The following DLG4 variants were observed in gnomAD, a reference collection of about 807,000 sequenced individuals.
DLG4 encodes disks large homolog 4.
A neutral mutation model predicts 93.8 loss-of-function variants in DLG4; 7 were observed. That is an observed-to-expected ratio of 0.07 (90% confidence interval 0.04 to 0.14). DLG4 has a LOEUF of 0.14. DLG4 is among the 10% of genes least tolerant of loss of function. The probability of loss-of-function intolerance (pLI) is 1.00; values close to 1 mark genes in which losing one functional copy is unlikely to be tolerated. For missense variants in DLG4, 545 were observed against 992.9 expected (o/e 0.55, Z 6.06); for synonymous variants, 341 against 387.6 (o/e 0.88, Z 1.41).
rs536869554 is a variant in DLG4, at chr17:7,203,179, G to C, written c.642+14C>G. 1.9e-6 allele frequency: 3 copies of C among 1,586,252 alleles called. No homozygotes were observed. Among genetic ancestry groups the C allele is most frequent in the African/African-American group, 1.3e-5 (1 of 74,696 alleles). ...CAAATCTGGGCTAGAAAATGGGCTAGATGGAGTCCTCACCGCCAGGATCTT... is the reference window on the plus strand; with the variant it reads ...CAAATCTGGGCTAGAAAATGGGCTACATGGAGTCCTCACCGCCAGGATCTT... On this transcript the variant is annotated intron_variant, in intron 7 of 19. Coordinates refer to ENST00000399506, the MANE Select transcript of DLG4 (RefSeq NM_001321075.3). The surrounding 1 kb of genome is among the most constrained non-coding windows in gnomAD (Gnocchi z 7.2).
chr17:7,219,902 G>C (rs879906860), upstream of DLG4: 8 of 1,555,700 alleles, frequency 5.1e-6, no homozygotes, highest in Middle Eastern at 3.3e-4. Flanking sequence ...GATGAGTCAG[G>C]GTTAGGGGCG....
At chr17:7,213,202 A>C (rs921610019) in intron 1 of DLG4, among the ~76,000 whole-genome samples, 1 of 141,028 alleles carries the variant, frequency 7.1e-6, no homozygotes, top group Non-Finnish European at 1.5e-5. Flanking sequence ...GGTTCGAGTG[A>C]TTCTCCTACC....
chr17:7,215,229 G>C (rs1438952525), intron 1 of DLG4, among the ~76,000 whole-genome samples: 2 of 152,196 alleles, frequency 1.3e-5, no homozygotes, highest in African/African-American at 4.8e-5. Context: ...TGGCAAGCCT[G>C]GGTCTCCACG....
In DLG4 at chr17:7,193,461, C is replaced by T; in HGVS notation, c.1693+22G>A. 1 of 1,515,718 alleles carries T rather than the reference C, an allele frequency of 6.6e-7. No homozygotes were observed. Among genetic ancestry groups the T allele is most frequent in the East Asian group, 2.3e-5 (1 of 43,664 alleles). The allele number at this position is 1,515,718 out of a possible 1,614,324, so 93.9% of individuals were successfully genotyped here. On this transcript the variant is annotated intron_variant, in intron 16 of 19. Coordinates refer to ENST00000399506, the MANE Select transcript of DLG4 (RefSeq NM_001321075.3). This position sits in a 1 kb window ranked among gnomAD's most constrained non-coding sequence, Gnocchi z 6.7. The stretch of plus-strand genomic sequence containing the variant: ...CCACCCCCACTTCCACCTTCTCCTC[C>T]ATCCAAGGCCCCAGCACTCACGGGG...
At position 7,191,424 on chromosome 17, in the gene DLG4, A is replaced by C; in HGVS notation, c.1977-66T>G. On this transcript the variant is annotated intron_variant, in intron 18 of 19. Coordinates refer to ENST00000399506, the MANE Select transcript of DLG4 (RefSeq NM_001321075.3). The surrounding 1 kb of genome is among the most constrained non-coding windows in gnomAD (Gnocchi z 6.6). Reference sequence around the variant, plus strand: ...CCTGACCCTGCCTTTTATCTCCTCTATCCAGGAATGTTAAGTATTCTTCTA... The same window carrying C: ...CCTGACCCTGCCTTTTATCTCCTCTCTCCAGGAATGTTAAGTATTCTTCTA... 8.2e-7 allele frequency: 1 copy of C among 1,218,612 alleles called. No individual in the cohort carries two copies. The highest frequency in any genetic ancestry group is 1.2e-6 in the Non-Finnish European group (1 of 825,890). The allele number at this position is 1,218,612 out of a possible 1,614,324, so 75.5% of individuals were successfully genotyped here.
In DLG4 at chr17:7,208,276, C is replaced by CGT; in HGVS notation, c.31-38_31-37insAC. 1.5e-6 allele frequency: 2 copies of CGT among 1,309,260 alleles called. No homozygotes were observed. The highest frequency in any genetic ancestry group is 9.8e-7 in the Non-Finnish European group (1 of 1,020,378). The allele number at this position is 1,309,260 out of a possible 1,614,324, so 81.1% of individuals were successfully genotyped here. ...GACGGAGGTGTCACTGGGGCCAGCC[C>CGT]GGTGCCTCAGGCTCCAGGCTGGCCG... On this transcript the variant is annotated intron_variant, in intron 1 of 19. Coordinates refer to ENST00000399506, the MANE Select transcript of DLG4 (RefSeq NM_001321075.3). The surrounding 1 kb of genome is among the most constrained non-coding windows in gnomAD (Gnocchi z 5.4).
rs139300962 is a variant in DLG4, at chr17:7,189,502, A to G, written c.*1206T>C. The stretch of plus-strand genomic sequence containing the variant: ...AGACTCTGTCTCAAAAAAAAAAACA[A>G]AAAAACAAAAAAAATCATTTCCAGA... On this transcript the variant is annotated 3_prime_UTR_variant, in exon 20 of 20. Transcript: ENST00000399506. Among the ~76,000 whole-genome samples, 3 of 151,750 alleles carry G rather than the reference A, an allele frequency of 2.0e-5. No individual in the cohort carries two copies. The highest frequency in any genetic ancestry group is 2.9e-5 in the Non-Finnish European group (2 of 68,008).
chr17:7,189,004 C>T lies in DLG4; in HGVS notation c.*1704G>A, dbSNP rs944980706. 6.0e-5 allele frequency among the ~76,000 whole-genome samples: 9 copies of T among 149,900 alleles called. No homozygotes were observed. Among genetic ancestry groups the T allele is most frequent in the Non-Finnish European group, 8.9e-5 (6 of 67,732 alleles). ...GCAGGCGCCTGTAATCCCAGCTATT[C>T]GAGAGGCTGAGGCAGGAGAACCGTG... On this transcript the variant is annotated 3_prime_UTR_variant, in exon 20 of 20. Coordinates refer to ENST00000399506, the MANE Select transcript of DLG4 (RefSeq NM_001321075.3).
rs754161962 is a variant in DLG4 at position 7,202,863 on chromosome 17, G to A, written c.787+40C>T. 3.5e-5 allele frequency: 56 copies of A among 1,611,416 alleles called. No individual in the cohort carries two copies. The African/African-American group carries it at 4.1e-4, about 12-fold the overall frequency. On this transcript the variant is annotated intron_variant, in intron 8 of 19. Coordinates refer to ENST00000399506, the MANE Select transcript of DLG4 (RefSeq NM_001321075.3). ...GGACTGCATGTCATGGGTTAAACGG[G>A]ATGGGTCATGGGGAACTTTGGTGTT... is the stretch of plus-strand genomic sequence containing the variant.
At chr17:7,190,853 G>A in intron 19 of DLG4, 39 bp from the exon 20 acceptor site, 6 of 1,573,626 alleles carry the variant, frequency 3.8e-6, no homozygotes, top group Non-Finnish European at 5.2e-6. Context: ...GCCAAGGAAG[G>A]GCCAGAGGAC....
rs41283395 is a variant in DLG4, at chr17:7,196,463, G to A, written c.1186+10C>T. On this transcript the variant is annotated intron_variant, in intron 10 of 19. Transcript: ENST00000399506. The surrounding 1 kb of genome is among the most constrained non-coding windows in gnomAD (Gnocchi z 8.3). ...TCAGCTCACAAGACAAGGAACTTCC[G>A]GCCTGGTACCTTCTGGTTTATACTG... 2.4e-3 allele frequency: 3,830 copies of A among 1,613,810 alleles called. 8 individuals carry two copies. The highest frequency in any genetic ancestry group is 2.9e-3 in the Non-Finnish European group (3,437 of 1,179,702).
intron 2 of DLG4, among the ~76,000 whole-genome samples, chr17:7,206,715 T>C (rs895611475): frequency 6.6e-6 from 1 of 152,118 alleles, no homozygotes; most frequent in Non-Finnish European, 1.5e-5. Context: ...CTTATCCCTA[T>C]CTGGCCCCTG....
intron 1 of DLG4, among the ~76,000 whole-genome samples, chr17:7,214,781 G>C (rs893142819): frequency 6.6e-6 from 1 of 152,252 alleles, no homozygotes; most frequent in Admixed American, 6.5e-5. Flanking sequence ...GGGAGAAAGA[G>C]ATGCTCAGAG....
chr17:7,195,185 T>A lies in DLG4; in HGVS notation c.1302-690A>T, dbSNP rs1339255790. Reference sequence around the variant, plus strand: ...TACCCTTACCAGTATCAAATTTCTATCAGTAAGTCACAACCCCTGGGGTCA... The same window carrying A: ...TACCCTTACCAGTATCAAATTTCTAACAGTAAGTCACAACCCCTGGGGTCA... On this transcript the variant is annotated intron_variant, in intron 11 of 19. Coordinates refer to ENST00000399506, the MANE Select transcript of DLG4 (RefSeq NM_001321075.3). This position sits in a 1 kb window ranked among gnomAD's most constrained non-coding sequence, Gnocchi z 4.3. Among the ~76,000 whole-genome samples, 1 of 152,076 alleles carries A rather than the reference T, an allele frequency of 6.6e-6. No homozygotes were observed. Among genetic ancestry groups the A allele is most frequent in the East Asian group, 1.9e-4 (1 of 5,184 alleles).
chr17:7,193,779 T>C lies in DLG4; in HGVS notation c.1543+65A>G. The C allele has an allele frequency of 1.2e-6, 2 of 1,611,480 alleles. No homozygotes were observed. Among genetic ancestry groups the C allele is most frequent in the Non-Finnish European group, 1.7e-6 (2 of 1,178,778 alleles). On this transcript the variant is annotated intron_variant, in intron 14 of 19. Coordinates refer to ENST00000399506, the MANE Select transcript of DLG4 (RefSeq NM_001321075.3). This position sits in a 1 kb window ranked among gnomAD's most constrained non-coding sequence, Gnocchi z 6.7. Reference sequence around the variant, plus strand: ...GGGGACCTGGAGCCCTGTCTCCCCCTTGAGGATATCAAAAGCAACTCAGTG... The same window carrying C: ...GGGGACCTGGAGCCCTGTCTCCCCCCTGAGGATATCAAAAGCAACTCAGTG...
At chr17:7,209,417 G>C (rs1471047475) in intron 1 of DLG4, among the ~76,000 whole-genome samples, 2 of 152,210 alleles carry the variant, frequency 1.3e-5, no homozygotes, top group East Asian at 3.9e-4. Flanking sequence ...CCAGGTTCAG[G>C]AAGGGGAAGG....
rs1046299053 is a variant in DLG4 at position 7,208,743 on chromosome 17, G to A, written c.31-504C>T. On this transcript the variant is annotated intron_variant, in intron 1 of 19. Transcript: ENST00000399506. The surrounding 1 kb of genome is among the most constrained non-coding windows in gnomAD (Gnocchi z 5.4). ...TCCTACTCTGCATGGCATCCTCCCCGCGCCCCACCTCCATGGCCTCAGTCT... is the reference window on the plus strand; with the variant it reads ...TCCTACTCTGCATGGCATCCTCCCCACGCCCCACCTCCATGGCCTCAGTCT... Among the ~76,000 whole-genome samples, 3 of 150,296 alleles carry A rather than the reference G, an allele frequency of 2.0e-5. No homozygotes were observed. The highest frequency in any genetic ancestry group is 4.4e-5 in the Non-Finnish European group (3 of 67,576).
chr17:7,211,662 CAG>C, intron 1 of DLG4: 1 of 981,680 alleles, frequency 1.0e-6, no homozygotes, highest in Non-Finnish European at 1.2e-6. Context: ...ACGTACCACG[CAG>C]AGACACATGG....
intron 2 of DLG4, among the ~76,000 whole-genome samples, chr17:7,205,638 G>C (rs895693748): frequency 6.6e-6 from 1 of 151,764 alleles, no homozygotes; most frequent in African/African-American, 2.4e-5. Flanking sequence ...TCACATATCA[G>C]CAAATGCTGT....
Sources: gnomAD v4.1 joint callset for allele counts (sites outside exome capture counted in the v4.1 genomes callset) on GRCh38, gnomAD v4.1.1 for gene constraint, Gnocchi (gnomAD v3.1) non-coding constraint, MANE v1.5 for transcripts, NCBI Gene and HGNC (gene_info 2026-07-23, HGNC 2026-07-21) for gene names.